The following NLRP2 variants were observed in gnomAD, a reference collection of about 807,000 sequenced individuals.
NLRP2 encodes the protein NLR family pyrin domain containing 2, also known as NACHT, LRR and PYD domains-containing protein 2.
A neutral mutation model predicts 97.2 loss-of-function variants in NLRP2; 107 were observed. The ratio of observed to expected loss-of-function variants is 1.10; its 90% CI spans 0.94 to 1.29. The LOEUF is 1.29. NLRP2 is among the 50% of genes most tolerant of loss of function. NLRP2 has a pLI of 0.00. For synonymous variants in NLRP2, 663 were observed against 551.5 expected, an observed-to-expected ratio of 1.20 and a Z score of -2.83; for missense variants, 1,495 against 1,330.3, an observed-to-expected ratio of 1.12 and a Z score of -1.93.
intron 12 of NLRP2, among the ~76,000 whole-genome samples, chr19:54,997,797 T>C (rs1479958876): frequency 6.6e-6 from 1 of 150,760 alleles, no homozygotes; most frequent in Non-Finnish European, 1.5e-5. Flanking sequence ...CTCACTATGT[T>C]CCCCAGGCTG....
intron 8 of NLRP2, among the ~76,000 whole-genome samples, chr19:54,989,377 C>T (rs1039593478): frequency 1.3e-5 from 2 of 152,166 alleles, no homozygotes; most frequent in Non-Finnish European, 2.9e-5. Flanking sequence ...GAGGCTGAGG[C>T]GGGAGAATCT....
chr19:54,971,649 G>A (rs557917789), intron 2 of NLRP2, among the ~76,000 whole-genome samples: 33 of 151,794 alleles, frequency 2.2e-4, no homozygotes, highest in East Asian at 3.9e-4. Context: ...CATGTCGTTC[G>A]CCCACTTTTT....
intron 10 of NLRP2, among the ~76,000 whole-genome samples, chr19:54,992,579 T>G (rs2072560229): frequency 6.8e-6 from 1 of 146,346 alleles, no homozygotes; most frequent in African/African-American, 2.5e-5. Context: ...TTTTGGTTTT[T>G]TTTTTTTGAT....
rs757893808 is a variant in NLRP2 at position 54,998,025 on chromosome 19, C to CTTTTTTT, written c.3050+549_3050+555dup. ...TGGGGTTTTGTTTTGTTTTTTCTTT[C>CTTTTTTT]TTTTTTTTTTTTTTTTTCTGAGATG... On this transcript the variant is annotated intron_variant, in intron 12 of 12. Coordinates refer to ENST00000448584, the MANE Select transcript of NLRP2 (RefSeq NM_017852.5). Among the ~76,000 whole-genome samples the CTTTTTTT allele has an allele frequency of 6.3e-3, 806 of 127,154 alleles. 1 individual carries two copies. Among genetic ancestry groups the CTTTTTTT allele is most frequent in the Non-Finnish European group, 8.6e-3 (528 of 61,554 alleles). 83.4% of individuals were successfully genotyped at this position (127,154 alleles called of 152,430 possible).
Position 55,000,802 on chromosome 19 carries a change from G to A in NLRP2, c.3093G>A (p.Leu1031=). The A allele has an allele frequency of 6.2e-7, 1 of 1,613,658 alleles. No homozygotes were observed. Among genetic ancestry groups the A allele is most frequent in the Non-Finnish European group, 8.5e-7 (1 of 1,179,706 alleles). The change falls in exon 13 of 13, where the codon CTG becomes CTA. Residue 1031 remains leucine, a synonymous_variant. Transcript: ENST00000448584. ...TTAATGATGAACTCAATAAGCTGCT[G>A]GAAGAAATAGAAGAAAAAAACCCAC... ...DDFNDELNKL[L]EEIEEKNPQL...
rs145922476 is a variant in NLRP2 at position 54,986,305 on chromosome 19, C to T, written c.2356C>T (p.Arg786Ter). Residue 786 changes from arginine to a stop codon, truncating the protein, a stop_gained, in exon 8 of 13, where the codon CGA becomes TGA. Coordinates refer to ENST00000448584, the MANE Select transcript of NLRP2 (RefSeq NM_017852.5). LOFTEE classifies it high-confidence loss of function. ...EVLRHPECNL[R>*]YLGLVSCSAT... ...CTTGAGACATCCAGAATGTAACCTG[C>T]GATATCTCGGGTATATCTCTTAATC... 3.2e-5 allele frequency: 52 copies of T among 1,613,064 alleles called. No individual in the cohort carries two copies. Among genetic ancestry groups the T allele is most frequent in the Non-Finnish European group, 4.2e-5 (49 of 1,179,110 alleles).
chr19:54,985,215 G>A lies in NLRP2; in HGVS notation c.2199G>A (p.Val733=), dbSNP rs139668779. ...CTGACACCTGTCATCTCCAGAGAGT[G>A]GTGTAAGTAGAAACTAATTCATGAA... ...IASDTCHLQR[V]VFKNISPADA... The change falls in exon 7 of 13, where the codon GTG becomes GTA. Residue 733 remains valine (V), a splice_region_variant and synonymous_variant. Coordinates refer to ENST00000448584, the MANE Select transcript of NLRP2 (RefSeq NM_017852.5). 5.4e-5 allele frequency: 87 copies of A among 1,613,774 alleles called. No homozygotes were observed. The African/African-American group carries it at 1.0e-3, about 19-fold the overall frequency.
At chr19:54,991,050 T>G (rs1160156337) in intron 10 of NLRP2, 3 of 281,278 alleles carry the variant, frequency 1.1e-5, no homozygotes, top group Non-Finnish European at 2.0e-5. Flanking sequence ...TGTCACCCCA[T>G]GCTGTGTTTT....
At chr19:54,992,808 C>G (rs144884894) in intron 10 of NLRP2, among the ~76,000 whole-genome samples, 2 of 151,934 alleles carry the variant, frequency 1.3e-5, no homozygotes. Context: ...ATCCACCCAC[C>G]TCAGCCTCCC....
At chr19:54,991,874 G>T in intron 10 of NLRP2, among the ~76,000 whole-genome samples, 1 of 147,256 alleles carries the variant, frequency 6.8e-6, no homozygotes, top group Non-Finnish European at 1.5e-5. Flanking sequence ...AATTGTATCT[G>T]CACTGATGGT....
At chr19:54,967,328 T>C (rs149467239) in intron 1 of NLRP2, among the ~76,000 whole-genome samples, 1 of 151,780 alleles carries the variant, frequency 6.6e-6, no homozygotes, top group African/African-American at 2.4e-5. Context: ...ACTAAAAATA[T>C]AAAATTAGGT....
At chr19:54,989,808 A>AC (rs1191793024) in intron 8 of NLRP2, 5 of 606,060 alleles carry the variant, frequency 8.3e-6, no homozygotes, top group African/African-American at 3.7e-5. Context: ...ACATGGAGAG[A>AC]CCCCCACCTC....
chr19:54,991,441 T>TA (rs1235223764), intron 10 of NLRP2: 3 of 152,018 alleles, frequency 2.0e-5, no homozygotes, highest in African/African-American at 7.3e-5. Context: ...TAATCCCAGT[T>TA]ACTCAGGAGG....
In NLRP2 at chr19:54,970,167, A is replaced by G. The variant is rs746141394; in HGVS notation, c.152A>G (p.Asp51Gly). ...KIPHKEVDKA[D>G]GKQLVEILTT... The stretch of plus-strand genomic sequence containing the variant: ...CCCCACAAGGAGGTAGACAAGGCTG[A>G]TGGGAAGCAACTGGTAGAAATCCTC... The change falls in exon 2 of 13, where the codon GAT (aspartate) becomes GGT (glycine). Residue 51 changes from aspartate (D) to glycine (G), a missense_variant. Physicochemically the swap from Asp to Gly is moderately conservative, Grantham distance 94. Coordinates refer to ENST00000448584, the MANE Select transcript of NLRP2 (RefSeq NM_017852.5). 1 of 1,614,126 alleles carries G rather than the reference A, an allele frequency of 6.2e-7. No homozygotes were observed. Among genetic ancestry groups the G allele is most frequent in the Admixed American group, 1.7e-5 (1 of 59,984 alleles).
At chr19:54,974,844 G>T (rs1426479537) in intron 3 of NLRP2, among the ~76,000 whole-genome samples, 2 of 152,128 alleles carry the variant, frequency 1.3e-5, no homozygotes, top group Non-Finnish European at 2.9e-5. Flanking sequence ...CTGTCACCTA[G>T]GCTGAAGTGC....
Position 54,983,710 on chromosome 19 carries a change from C to A in NLRP2, c.2012C>A (p.Ser671Ter), listed in dbSNP as rs2071823529. ...CCGGAGAATGTCACTGCGTCTGAAT[C>A]AGACGCCGAGGTTGAGAGGTGAGAA... Reference protein sequence around the residue: ...NLPENVTASESDAEVERSQDD... With the variant: ...NLPENVTASE Residue 671 changes from serine (S) to a stop codon, truncating the protein, a stop_gained, in exon 6 of 13, where the codon TCA becomes TAA. Transcript: ENST00000448584. LOFTEE classifies it high-confidence loss of function. 1 of 1,612,114 alleles carries A rather than the reference C, an allele frequency of 6.2e-7. No homozygotes were observed. Among genetic ancestry groups the A allele is most frequent in the African/African-American group, 1.3e-5 (1 of 74,778 alleles).
At chr19:54,988,828 T>A (rs1455085370) in intron 8 of NLRP2, among the ~76,000 whole-genome samples, 1 of 152,076 alleles carries the variant, frequency 6.6e-6, no homozygotes, top group Non-Finnish European at 1.5e-5. Flanking sequence ...ACTCATTTCT[T>A]ATGAATTTAT....
At chr19:54,973,797 C>T in intron 2 of NLRP2, 1 of 586,548 alleles carries the variant, frequency 1.7e-6, no homozygotes, top group East Asian at 4.3e-5. Flanking sequence ...TCTTTCCATG[C>T]CAATAGCGCT....
intron 2 of NLRP2, among the ~76,000 whole-genome samples, chr19:54,972,336 A>C (rs933002088): frequency 6.6e-6 from 1 of 151,522 alleles, no homozygotes; most frequent in South Asian, 2.1e-4. Flanking sequence ...GGCACCTGCC[A>C]CTGTGCCTGG....
Sources: gnomAD v4.1 joint callset for allele counts (sites outside exome capture counted in the v4.1 genomes callset) on GRCh38, gnomAD v4.1.1 for gene constraint, MANE v1.5 for transcripts, NCBI Gene and HGNC (gene_info 2026-07-23, HGNC 2026-07-21) for gene names.